The following MISFA variants were observed in gnomAD, a reference collection of about 807,000 sequenced individuals.
The protein encoded by MISFA is mitochondrial sheath formation associated, also known as mitochondrial sheath formation-associated protein.
chr11:18,607,003 GGT>G, the MISFA span: 2 of 275,722 alleles, frequency 7.3e-6, no homozygotes, highest in East Asian at 1.6e-4. Context: ...TGGGATTACA[GGT>G]GTGTGCCACC....
At chr11:18,601,623 A>T in the MISFA span, 4 of 396,494 alleles carry the variant, frequency 1.0e-5, no homozygotes, top group Admixed American at 1.8e-4. Flanking sequence ...TTGCCCAGGC[A>T]GGTCTTGAAC....
chr11:18,603,598 C>G, the MISFA span, among the ~76,000 whole-genome samples: 4 of 152,232 alleles, frequency 2.6e-5, no homozygotes, highest in African/African-American at 7.2e-5. Context: ...TTCTCTGCCT[C>G]TTGTCAGCTC....
the MISFA span, chr11:18,606,494 C>A: frequency 5.2e-6 from 1 of 192,032 alleles, no homozygotes; most frequent in South Asian, 8.0e-5. Context: ...TCTTGCAGGT[C>A]AACAGCACCA....
chr11:18,605,397 ACAGTTC>A, the MISFA span, among the ~76,000 whole-genome samples: 2 of 152,108 alleles, frequency 1.3e-5, no homozygotes, highest in Middle Eastern at 6.8e-3. Context: ...GATGACTGAT[ACAGTTC>A]CAGTATTCAA....
the MISFA span, among the ~76,000 whole-genome samples, chr11:18,605,591 T>C: frequency 6.6e-6 from 1 of 152,248 alleles, no homozygotes; most frequent in South Asian, 2.1e-4. Flanking sequence ...TTTCTGACTC[T>C]AGGATACTAG....
the MISFA span, among the ~76,000 whole-genome samples, chr11:18,600,837 C>CT: frequency 3.3e-5 from 5 of 152,026 alleles, no homozygotes; most frequent in African/African-American, 4.8e-5. Flanking sequence ...CCTTTTAAGT[C>CT]TTTTTTTGTT....
chr11:18,600,979 C>T, the MISFA span: 261 of 396,956 alleles, frequency 6.6e-4, 3 homozygotes, highest in East Asian at 9.0e-3. Flanking sequence ...GGAAGGGGGA[C>T]GGTAGGGATT....
chr11:18,604,632 GA>G, the MISFA span, among the ~76,000 whole-genome samples: 1,502 of 130,342 alleles, frequency 0.012, 13 homozygotes, highest in African/African-American at 0.021. Flanking sequence ...AGTCTCAAAA[GA>G]AAAAAAAAAA....
chr11:18,603,718 C>A, the MISFA span: 4 of 398,764 alleles, frequency 1.0e-5, no homozygotes, highest in African/African-American at 2.1e-5. Flanking sequence ...CCTAAGCCCC[C>A]ACACTAGAAA....
At chr11:18,605,282 C>T in the MISFA span, among the ~76,000 whole-genome samples, 4 of 151,778 alleles carry the variant, frequency 2.6e-5, no homozygotes, top group Non-Finnish European at 5.9e-5. Context: ...AGGAAGTTGC[C>T]TGATAATTCT....
the MISFA span, chr11:18,607,701 A>C: frequency 6.6e-6 from 1 of 152,314 alleles, no homozygotes; most frequent in Non-Finnish European, 1.5e-5. Context: ...AATTTAAAAG[A>C]CTTAACCTTT....
At chr11:18,601,897 A>G in the MISFA span, 1 of 184,492 alleles carries the variant, frequency 5.4e-6, no homozygotes. Context: ...TGTGAAGATT[A>G]TATTTGGGAA....
At chr11:18,608,038 A>G in the MISFA span, 1 of 152,650 alleles carries the variant, frequency 6.6e-6, no homozygotes, top group African/African-American at 2.4e-5. Context: ...ATAAAAGCAC[A>G]TAAATGGCAG....
the MISFA span, among the ~76,000 whole-genome samples, chr11:18,600,625 A>G: frequency 3.6e-5 from 5 of 140,438 alleles, no homozygotes; most frequent in African/African-American, 1.4e-4. Flanking sequence ...GGTTCATGCC[A>G]TTCTCCTGCC....
At chr11:18,603,916 ACTT>A in the MISFA span, 1 of 141,892 alleles carries the variant, frequency 7.0e-6, no homozygotes, top group Non-Finnish European at 1.2e-5. Flanking sequence ...AAGTTACCGC[ACTT>A]TTTTTTTTTT....
the MISFA span, chr11:18,601,306 G>T: frequency 2.5e-6 from 1 of 397,960 alleles, no homozygotes; most frequent in South Asian, 1.4e-4. Context: ...AAGGGGAAAT[G>T]ATTTGGTGAG....
the MISFA span, among the ~76,000 whole-genome samples, chr11:18,600,447 C>T: frequency 2.5e-4 from 38 of 151,660 alleles, no homozygotes; most frequent in African/African-American, 7.5e-4. Context: ...AGGTGATCCA[C>T]CCACCTCGGC....
the MISFA span, chr11:18,603,989 C>T: frequency 1.0e-5 from 3 of 291,892 alleles, no homozygotes; most frequent in African/African-American, 2.7e-5. Flanking sequence ...TGCAGTGGCG[C>T]GATCTCGGCT....
chr11:18,605,941 G>C, the MISFA span, among the ~76,000 whole-genome samples: 1 of 152,266 alleles, frequency 6.6e-6, no homozygotes, highest in East Asian at 1.9e-4. Flanking sequence ...ACCTCCCAAA[G>C]TGCTGGGATT....
Sources: gnomAD v4.1 joint callset for allele counts (sites outside exome capture counted in the v4.1 genomes callset) on GRCh38, gnomAD v4.1.1 for gene constraint, MANE v1.5 for transcripts, NCBI Gene and HGNC (gene_info 2026-07-23, HGNC 2026-07-21) for gene names.